Variants in ARAP1 observed in about 807,000 individuals in gnomAD.
ARAP1 encodes the protein arf-GAP with Rho-GAP domain, ANK repeat and PH domain-containing protein 1.
Under a neutral mutation model 172.2 loss-of-function variants are expected in ARAP1, and 76 were observed. That is an observed-to-expected ratio of 0.44 (90% CI 0.37 to 0.53). The LOEUF (loss-of-function observed/expected upper bound fraction) is 0.53. Among genes scored for constraint, ARAP1 ranks in the 20% least tolerant of loss-of-function variants. The pLI is 0.00. For missense variants in ARAP1, 1,686 were observed against 1,977.5 expected, an observed-to-expected ratio of 0.85 and a Z score of 2.80; for synonymous variants, 804 against 803.3, an observed-to-expected ratio of 1.00 and a Z score of -0.01.
Position 72,705,925 on chromosome 11 carries a change from GC to G in ARAP1, c.1724-36del, listed in dbSNP as rs747911774. On this transcript the variant is annotated intron_variant, in intron 12 of 34. Transcript: ENST00000393609. Reference sequence around the variant, plus strand: ...CAGGGCCAGACCCAGAATCACCTGGGCCCCCCCTTCACGGGAGCACTTACCC... The same window carrying G: ...CAGGGCCAGACCCAGAATCACCTGGGCCCCCCTTCACGGGAGCACTTACCC... The G allele has an allele frequency of 6.8e-6, 11 of 1,608,304 alleles. No homozygotes were observed. In the Admixed American group the frequency reaches 8.4e-5, roughly 12 times the overall value.
intron 29 of ARAP1, 66 bp from the exon 30 acceptor site, chr11:72,692,851 T>C (rs1856000775): frequency 6.3e-7 from 1 of 1,597,740 alleles, no homozygotes; most frequent in Non-Finnish European, 8.5e-7. Flanking sequence ...GCATGTGCAG[T>C]GATGTGTGGG....
chr11:72,697,864 A>G (rs990410307), intron 19 of ARAP1, 47 bp downstream of exon 19: 2 of 1,514,098 alleles, frequency 1.3e-6, no homozygotes, highest in Non-Finnish European at 1.8e-6. Context: ...CTGGGAGCCC[A>G]GGATAGGGTG....
intron 14 of ARAP1, chr11:72,703,787 T>C (rs1219183234): frequency 4.4e-6 from 1 of 228,850 alleles, no homozygotes. Context: ...TGGATGGGGA[T>C]GGGTCAGAGC....
At position 72,697,929 on chromosome 11, in the gene ARAP1, G is replaced by T; in HGVS notation, c.2719C>A (p.Arg907=). 6.2e-7 allele frequency: 1 copy of T among 1,605,330 alleles called. No homozygotes were observed. Among genetic ancestry groups the T allele is most frequent in the Non-Finnish European group, 8.5e-7 (1 of 1,175,290 alleles). ...EGPCEEPLQL[R]KLQELSIQGD... Reference sequence around the variant, plus strand: ...CACGCACAAAGCTCCTGCAGTTTCCGTAGTTGCAGCGGCTCTTCGCAGGGC... The same window carrying T: ...CACGCACAAAGCTCCTGCAGTTTCCTTAGTTGCAGCGGCTCTTCGCAGGGC... Residue 907 remains arginine (R), a synonymous_variant, in exon 19 of 35, where the codon CGG becomes AGG. Coordinates refer to ENST00000393609, the MANE Select transcript of ARAP1 (RefSeq NM_001040118.3).
rs1395565005 is a variant in ARAP1, at chr11:72,716,139, C to T, written c.510-1818G>A. Reference sequence around the variant, plus strand: ...AGTGAGCCGAGATCGCGCCACTGCACTCCAGCCTGGGGGACAGAGCAAGAC... The same window carrying T: ...AGTGAGCCGAGATCGCGCCACTGCATTCCAGCCTGGGGGACAGAGCAAGAC... On this transcript the variant is annotated intron_variant, in intron 3 of 34. Coordinates refer to ENST00000393609, the MANE Select transcript of ARAP1 (RefSeq NM_001040118.3). Among the ~76,000 whole-genome samples the T allele has an allele frequency of 2.8e-5, 4 of 144,842 alleles. No homozygotes were observed. The East Asian group carries it at 8.2e-4, about 30-fold the overall frequency.
intron 2 of ARAP1, among the ~76,000 whole-genome samples, chr11:72,731,157 CAGGAGG>C (rs1857855169): frequency 6.6e-6 from 1 of 152,180 alleles, no homozygotes; most frequent in African/African-American, 2.4e-5. Flanking sequence ...CCTGAAGGGA[CAGGAGG>C]GAACAGTGGA....
At chr11:72,687,547 G>A in intron 32 of ARAP1, 45 bp from the exon 33 acceptor site, 1 of 1,613,866 alleles carries the variant, frequency 6.2e-7, no homozygotes, top group Non-Finnish European at 8.5e-7. Context: ...AGGCCTGACT[G>A]AGCAGGGAAC....
intron 18 of ARAP1, among the ~76,000 whole-genome samples, chr11:72,698,701 C>G (rs1265024278): frequency 6.6e-6 from 1 of 152,194 alleles, no homozygotes; most frequent in Non-Finnish European, 1.5e-5. Flanking sequence ...CACACCCCCT[C>G]TGGAGGCCGC....
At chr11:72,700,037 T>C (rs7110501) in intron 16 of ARAP1, 88,199 of 175,474 alleles carry the variant, frequency 0.5, 22,452 homozygotes, top group Non-Finnish European at 0.54. Context: ...CAGAAGCATC[T>C]ATCACTCTGT....
intron 27 of ARAP1, among the ~76,000 whole-genome samples, 199 bp downstream of exon 27, chr11:72,694,781 A>G (rs888449650): frequency 1.3e-5 from 2 of 152,170 alleles, no homozygotes; most frequent in African/African-American, 2.4e-5. Flanking sequence ...GACATCTTCT[A>G]TCAGCCACAT....
rs79040639 is a variant in ARAP1, at chr11:72,695,718, A to G, written c.3420T>C (p.Ser1140=). 8.0e-4 allele frequency: 1,284 copies of G among 1,614,188 alleles called. 7 individuals are homozygous for G. In the African/African-American group the frequency reaches 0.015, roughly 18 times the overall value. Residue 1140 remains serine, a splice_region_variant and synonymous_variant, in exon 24 of 35, where the codon AGT becomes AGC. Coordinates refer to ENST00000393609, the MANE Select transcript of ARAP1 (RefSeq NM_001040118.3). This position sits in a 1 kb window ranked among gnomAD's most constrained non-coding sequence, Gnocchi z 4.4. ...DLINHYVVVF[S]VDEEELRKQR... ...CACTGCCCACTGGCCAGGGACGCAC[A>G]CTAAACACCACCACATAGTGGTTAA...
chr11:72,749,576 A>G, intron 1 of ARAP1, among the ~76,000 whole-genome samples: 1 of 152,134 alleles, frequency 6.6e-6, no homozygotes, highest in Non-Finnish European at 1.5e-5. Context: ...CACAGCAGGT[A>G]CTCAACAAAG....
In ARAP1 at chr11:72,699,409, G is replaced by A. The variant is rs1856371617; in HGVS notation, c.2438+8C>T. The A allele has an allele frequency of 3.7e-6, 6 of 1,614,096 alleles. No homozygotes were observed. The highest frequency in any genetic ancestry group is 1.3e-5 in the African/African-American group (1 of 75,034). On this transcript the variant is annotated splice_region_variant and intron_variant, in intron 17 of 34. Transcript: ENST00000393609. The surrounding 1 kb of genome is among the most constrained non-coding windows in gnomAD (Gnocchi z 4.2). ...CAACCACAGTCTGATTTGCCCAGGAGTACTCACCCATGGGTGTCAGGAGGG... is the reference window on the plus strand; with the variant it reads ...CAACCACAGTCTGATTTGCCCAGGAATACTCACCCATGGGTGTCAGGAGGG...
chr11:72,723,796 T>C (rs1022561770), intron 3 of ARAP1, among the ~76,000 whole-genome samples: 1 of 152,210 alleles, frequency 6.6e-6, no homozygotes, highest in Non-Finnish European at 1.5e-5. Flanking sequence ...AGCACTGTTC[T>C]AGATGTTGGG....
At chr11:72,711,696 T>C (rs112647255) in intron 7 of ARAP1, among the ~76,000 whole-genome samples, 197 bp from the exon 8 acceptor site, 1 of 143,236 alleles carries the variant, frequency 7.0e-6, no homozygotes, top group African/African-American at 2.7e-5. Flanking sequence ...GCACATCTCT[T>C]TTTTTTTTTT....
intron 2 of ARAP1, among the ~76,000 whole-genome samples, chr11:72,730,345 A>G (rs1161201515): frequency 6.6e-6 from 1 of 152,254 alleles, no homozygotes; most frequent in African/African-American, 2.4e-5. Context: ...AGAGCAATAA[A>G]GTTGGAAAAT....
At chr11:72,712,678 C>T in intron 5 of ARAP1, 110 bp from the exon 6 acceptor site, 15 of 1,554,470 alleles carry the variant, frequency 9.6e-6, no homozygotes, top group Non-Finnish European at 1.3e-5. Flanking sequence ...CACAGCCCAG[C>T]ACTTTTAGTT....
chr11:72,704,058 G>A, intron 14 of ARAP1, 94 bp downstream of exon 14: 1 of 1,476,342 alleles, frequency 6.8e-7, no homozygotes, highest in Non-Finnish European at 9.4e-7. Flanking sequence ...ATCTCCCTGA[G>A]CTGGTAGATG....
In ARAP1 at chr11:72,699,173, C is replaced by G; in HGVS notation, c.2439-66G>C. 1 of 1,532,738 alleles carries G rather than the reference C, an allele frequency of 6.5e-7. No homozygotes were observed. Among genetic ancestry groups the G allele is most frequent in the Non-Finnish European group, 9.0e-7 (1 of 1,110,236 alleles). The allele number at this position is 1,532,738 out of a possible 1,614,324, so 94.9% of individuals were successfully genotyped here. ...GCACGGGCCCACCCCCAACCCGCAC[C>G]ATCAACCGCCATCCTCTGCCCCCTC... On this transcript the variant is annotated intron_variant, in intron 17 of 34. Coordinates refer to ENST00000393609, the MANE Select transcript of ARAP1 (RefSeq NM_001040118.3). The surrounding 1 kb of genome is among the most constrained non-coding windows in gnomAD (Gnocchi z 4.2).
Sources: gnomAD v4.1 joint callset for allele counts (sites outside exome capture counted in the v4.1 genomes callset) on GRCh38, gnomAD v4.1.1 for gene constraint, Gnocchi (gnomAD v3.1) non-coding constraint, MANE v1.5 for transcripts, NCBI Gene and HGNC (gene_info 2026-07-23, HGNC 2026-07-21) for gene names.